Variants in THSD4 observed in about 807,000 individuals in gnomAD.
THSD4 encodes the protein thrombospondin type-1 domain-containing protein 4.
In THSD4, 69 loss-of-function variants were observed where a neutral mutation model predicts 119.0. The ratio of observed to expected loss-of-function variants is 0.58; its 90% CI spans 0.48 to 0.71. The LOEUF (loss-of-function observed/expected upper bound fraction) is 0.71, where lower values mean the gene tolerates loss of function less well. Among genes scored for constraint, THSD4 ranks in the 30% least tolerant of loss-of-function variants. The pLI is 0.00. For synonymous variants in THSD4, 524 were observed against 540.4 expected, an observed-to-expected ratio of 0.97 and a Z score of 0.42; for missense variants, 1,393 against 1,391.1, an observed-to-expected ratio of 1.00 and a Z score of -0.02.
intron 7 of THSD4, among the ~76,000 whole-genome samples, chr15:71,609,845 C>G (rs1196009871): frequency 3.5e-5 from 4 of 114,156 alleles, no homozygotes; most frequent in African/African-American, 1.3e-4. Context: ...GAGCAAGACT[C>G]CGTCTCAAAA....
intron 6 of THSD4, among the ~76,000 whole-genome samples, chr15:71,300,456 G>A (rs990870916): frequency 6.6e-6 from 1 of 152,130 alleles, no homozygotes; most frequent in Non-Finnish European, 1.5e-5. Context: ...AGGGACAGCT[G>A]GGAACTTGAG....
chr15:71,278,327 C>T (rs183408154), intron 6 of THSD4, among the ~76,000 whole-genome samples: 92 of 152,250 alleles, frequency 6.0e-4, no homozygotes, highest in Admixed American at 5.9e-3. Flanking sequence ...TCCCAAGTAG[C>T]TGGGAATACA....
At chr15:71,200,187 A>T (rs904616229) in intron 3 of THSD4, among the ~76,000 whole-genome samples, 1 of 152,032 alleles carries the variant, frequency 6.6e-6, no homozygotes, top group African/African-American at 2.4e-5. Flanking sequence ...GCCAGAAACC[A>T]CATTGCTTCT....
At chr15:71,269,523 C>T (rs1005075509) in intron 6 of THSD4, among the ~76,000 whole-genome samples, 2 of 152,068 alleles carry the variant, frequency 1.3e-5, no homozygotes, top group African/African-American at 4.8e-5. Context: ...GGAAGCATTC[C>T]CTTTGAAAAC....
intron 8 of THSD4, among the ~76,000 whole-genome samples, chr15:71,684,930 A>G (rs1033197178): frequency 1.3e-5 from 2 of 152,174 alleles, no homozygotes; most frequent in East Asian, 3.9e-4. Context: ...TGAGTCTACT[A>G]TGTTTTCTTG....
chr15:71,734,429 T>C (rs576873835), intron 10 of THSD4, among the ~76,000 whole-genome samples: 10 of 152,268 alleles, frequency 6.6e-5, no homozygotes, highest in African/African-American at 1.9e-4. Flanking sequence ...TCCAACTATA[T>C]GACATTCTAG....
At chr15:71,129,946 G>A (rs2040488499) in intron 1 of THSD4, among the ~76,000 whole-genome samples, 1 of 152,198 alleles carries the variant, frequency 6.6e-6, no homozygotes, top group Non-Finnish European at 1.5e-5. Context: ...GGTGGCCGAG[G>A]CACACTGAGT....
At chr15:71,706,721 T>C (rs145412356) in intron 8 of THSD4, among the ~76,000 whole-genome samples, 47 of 152,216 alleles carry the variant, frequency 3.1e-4, no homozygotes, top group African/African-American at 1.1e-3. Context: ...AGGGTTAACA[T>C]GCTACCAACG....
rs117748009 is a variant in THSD4 at position 71,654,809 on chromosome 15, T to C, written c.1153-5721T>C. Among the ~76,000 whole-genome samples the C allele has an allele frequency of 9.8e-5, 15 of 152,300 alleles. No individual in the cohort carries two copies. The East Asian group carries it at 2.9e-3, about 29-fold the overall frequency. ...CACGCTGTTTTACCTGTGGGGGTCA[T>C]CTAGCCAAACAGTTGAGGTTACCCT... On this transcript the variant is annotated intron_variant, in intron 7 of 17. Transcript: ENST00000261862.
intron 12 of THSD4, 120 bp downstream of exon 12, chr15:71,745,355 C>A: frequency 7.5e-7 from 1 of 1,330,028 alleles, no homozygotes; most frequent in South Asian, 1.6e-5. Context: ...AAGACTTGGA[C>A]CATGCATAAA....
At chr15:71,442,606 GTGTGTGTGT>G (rs2047116649) in intron 7 of THSD4, among the ~76,000 whole-genome samples, 1 of 35,944 alleles carries the variant, frequency 2.8e-5, no homozygotes, top group Non-Finnish European at 5.0e-5. Flanking sequence ...ATATATGTGT[GTGTGTGTGT>G]GTGTATATAT....
At chr15:71,551,594 A>C (rs146880763) in intron 7 of THSD4, among the ~76,000 whole-genome samples, 2 of 152,168 alleles carry the variant, frequency 1.3e-5, no homozygotes, top group African/African-American at 4.8e-5. Context: ...AAAATCAACA[A>C]AAGGAAAAGG....
At chr15:71,226,557 C>G (rs77109539) in intron 4 of THSD4, among the ~76,000 whole-genome samples, 4,898 of 152,274 alleles carry the variant, frequency 0.032, 118 homozygotes, top group Middle Eastern at 0.048. Context: ...CTTTCCCATG[C>G]TTTGTTGGAG....
intron 7 of THSD4, chr15:71,547,470 C>A: frequency 6.5e-7 from 1 of 1,550,220 alleles, no homozygotes; most frequent in East Asian, 2.4e-5. Flanking sequence ...GTTAGCAAGA[C>A]CTGGGGGAGA....
chr15:71,615,154 T>A (rs2050299284), intron 7 of THSD4, among the ~76,000 whole-genome samples: 1 of 152,260 alleles, frequency 6.6e-6, no homozygotes, highest in African/African-American at 2.4e-5. Flanking sequence ...CCAATTTTTT[T>A]ATAGCTCTCT....
chr15:71,408,530 G>T (rs1215701261), intron 6 of THSD4, among the ~76,000 whole-genome samples: 1 of 152,088 alleles, frequency 6.6e-6, no homozygotes, highest in African/African-American at 2.4e-5. Context: ...ACTGTGCCCG[G>T]CCCAAATGCA....
intron 7 of THSD4, among the ~76,000 whole-genome samples, chr15:71,442,355 G>GGTCAGGA (rs2047108834): frequency 6.6e-6 from 1 of 151,418 alleles, no homozygotes; most frequent in Non-Finnish European, 1.5e-5. Flanking sequence ...GATCACCTGA[G>GGTCAGGA]GTCAGGAGTT....
intron 7 of THSD4, among the ~76,000 whole-genome samples, chr15:71,466,549 A>G (rs2047502962): frequency 6.6e-6 from 1 of 152,008 alleles, no homozygotes; most frequent in South Asian, 2.1e-4. Context: ...TTGAGTCTTC[A>G]TTCTTCCTCA....
At position 71,243,736 on chromosome 15, in the gene THSD4, A is replaced by T. The variant is rs552726687; in HGVS notation, c.912+640A>T. ...TTTTATCTTCATGCATTTACATAATATCTACCATTATTAAAAACTCATAAG... is the reference window on the plus strand; with the variant it reads ...TTTTATCTTCATGCATTTACATAATTTCTACCATTATTAAAAACTCATAAG... On this transcript the variant is annotated intron_variant, in intron 5 of 17. Coordinates refer to ENST00000261862, the MANE Select transcript of THSD4 (RefSeq NM_024817.3). Among the ~76,000 whole-genome samples, 17 of 150,628 alleles carry T rather than the reference A, an allele frequency of 1.1e-4. No individual in the cohort carries two copies. The South Asian group carries it at 3.4e-3, about 30-fold the overall frequency.
Sources: allele counts gnomAD v4.1 joint callset (sites outside exome capture counted in the v4.1 genomes callset), GRCh38; gene constraint gnomAD v4.1.1; transcripts MANE v1.5; gene names NCBI Gene and HGNC (gene_info 2026-07-23, HGNC 2026-07-21).